The following WDPCP variants were observed in gnomAD, a reference collection of about 807,000 sequenced individuals.
WDPCP encodes the protein WD repeat containing planar cell polarity effector, also known as WD repeat-containing and planar cell polarity effector protein fritz homolog.
WDPCP carries 71 observed loss-of-function variants against 93.1 expected under a neutral mutation model. The observed-to-expected ratio is 0.76, with a 90% CI of 0.63 to 0.93. The LOEUF is 0.93. Among genes scored for constraint, WDPCP ranks in the 40% least tolerant of loss-of-function variants. The pLI is 0.00. For synonymous variants in WDPCP, 315 were observed against 315.0 expected, an observed-to-expected ratio of 1.00 and a Z score of 0.00; for missense variants, 844 against 887.4, an observed-to-expected ratio of 0.95 and a Z score of 0.62.
intron 9 of WDPCP, among the ~76,000 whole-genome samples, chr2:63,423,533 A>G (rs550934155): frequency 2.0e-5 from 3 of 152,180 alleles, no homozygotes; most frequent in Non-Finnish European, 4.4e-5. Flanking sequence ...CTCTGCTTAT[A>G]TATTTTTGGT....
chr2:63,694,394 T>C (rs1478657845), intron 2 of WDPCP, among the ~76,000 whole-genome samples: 1 of 152,138 alleles, frequency 6.6e-6, no homozygotes, highest in Non-Finnish European at 1.5e-5. Flanking sequence ...AACTTCCCTC[T>C]TTTCCCCTTC....
At chr2:63,752,763 G>A (rs1185636467) in intron 2 of WDPCP, 1 of 179,352 alleles carries the variant, frequency 5.6e-6, no homozygotes, top group Non-Finnish European at 1.2e-5. Context: ...TGATAACTCA[G>A]CTCACTGCAA....
intron 1 of WDPCP, among the ~76,000 whole-genome samples, chr2:63,586,789 T>C (rs1419168148): frequency 6.6e-6 from 1 of 152,216 alleles, no homozygotes; most frequent in Non-Finnish European, 1.5e-5. Context: ...TATGGGAATG[T>C]CCTGTCCTGC....
chr2:63,711,668 G>A (rs1669266092), intron 2 of WDPCP: 1 of 152,294 alleles, frequency 6.6e-6, no homozygotes, highest in African/African-American at 2.4e-5. Flanking sequence ...GGCTAAAGGG[G>A]GAAGATCCAT....
chr2:63,164,253 C>G (rs765982388), intron 15 of WDPCP, among the ~76,000 whole-genome samples: 1 of 152,102 alleles, frequency 6.6e-6, no homozygotes. Context: ...TTTGTTTATA[C>G]AGTGTCTGAC....
At chr2:63,717,370 C>A in intron 2 of WDPCP, 1 of 465,242 alleles carries the variant, frequency 2.1e-6, no homozygotes, top group Non-Finnish European at 4.2e-6. Context: ...CATGAAATGT[C>A]AGTTCTTGAT....
At chr2:63,303,361 T>A (rs911685109) in intron 13 of WDPCP, among the ~76,000 whole-genome samples, 3 of 152,094 alleles carry the variant, frequency 2.0e-5, no homozygotes, top group African/African-American at 7.2e-5. Context: ...TCTGGTGTGG[T>A]AGGACGTGGG....
intron 2 of WDPCP, among the ~76,000 whole-genome samples, chr2:63,809,489 A>G (rs1670829139): frequency 6.6e-6 from 1 of 152,238 alleles, no homozygotes; most frequent in South Asian, 2.1e-4. Flanking sequence ...GGTGGGGAAA[A>G]GATTGAGAAA....
At chr2:63,415,358 C>A (rs1006746253) in intron 9 of WDPCP, among the ~76,000 whole-genome samples, 4 of 151,998 alleles carry the variant, frequency 2.6e-5, no homozygotes, top group Admixed American at 2.0e-4. Flanking sequence ...GCAAGACTGT[C>A]TATAAAAAAA....
chr2:63,638,652 G>C (rs975911210), intron 3 of WDPCP, among the ~76,000 whole-genome samples: 1 of 151,986 alleles, frequency 6.6e-6, no homozygotes, highest in Non-Finnish European at 1.5e-5. Context: ...GACTAGGTAT[G>C]GTTGTACATG....
At chr2:63,620,522 G>A (rs940187623) in intron 3 of WDPCP, among the ~76,000 whole-genome samples, 2 of 152,154 alleles carry the variant, frequency 1.3e-5, no homozygotes, top group Non-Finnish European at 2.9e-5. Flanking sequence ...AGCAGCCCCC[G>A]TCAGGGGCTT....
chr2:63,806,135 G>C (rs1452143616), intron 2 of WDPCP, among the ~76,000 whole-genome samples: 3 of 152,062 alleles, frequency 2.0e-5, no homozygotes, highest in East Asian at 1.9e-4. Context: ...AAACGAAAAG[G>C]AAAAGAAATG....
chr2:63,593,886 T>C (rs1436197662), intron 3 of WDPCP, among the ~76,000 whole-genome samples: 1 of 152,226 alleles, frequency 6.6e-6, no homozygotes, highest in Non-Finnish European at 1.5e-5. Flanking sequence ...TGTTGAAATC[T>C]CTGTTTGTAT....
intron 12 of WDPCP, among the ~76,000 whole-genome samples, chr2:63,371,427 T>G (rs1036928965): frequency 5.3e-5 from 8 of 152,090 alleles, no homozygotes; most frequent in African/African-American, 1.9e-4. Flanking sequence ...ATCCATTCAC[T>G]AGGTAGTTTC....
At chr2:63,316,860 C>T (rs754308487) in intron 12 of WDPCP, among the ~76,000 whole-genome samples, 1 of 152,098 alleles carries the variant, frequency 6.6e-6, no homozygotes, top group Non-Finnish European at 1.5e-5. Context: ...TTGCAGGATA[C>T]AAAATTAGTG....
chr2:63,289,445 C>T (rs897907312), intron 13 of WDPCP, among the ~76,000 whole-genome samples: 3 of 151,888 alleles, frequency 2.0e-5, no homozygotes, highest in South Asian at 2.1e-4. Context: ...TTCTTTAATC[C>T]GTGATCTTTT....
intron 14 of WDPCP, among the ~76,000 whole-genome samples, chr2:63,234,267 C>CATCT (rs1383718044): frequency 6.6e-6 from 1 of 150,982 alleles, no homozygotes; most frequent in African/African-American, 2.4e-5. Context: ...CACCTGTTAC[C>CATCT]ATCTATCTTT....
chr2:63,315,038 CAA>C (rs759865068), intron 12 of WDPCP, among the ~76,000 whole-genome samples: 2 of 152,178 alleles, frequency 1.3e-5, no homozygotes, highest in Non-Finnish European at 2.9e-5. Context: ...ACAGAAATAA[CAA>C]AAGGAGACTC....
chr2:63,770,591 C>T (rs1044280484), intron 2 of WDPCP, among the ~76,000 whole-genome samples: 6 of 151,836 alleles, frequency 4.0e-5, no homozygotes, highest in Non-Finnish European at 8.8e-5. Flanking sequence ...TGAATCAAAA[C>T]CAAAAGTTGC....
Sources: allele counts gnomAD v4.1 joint callset (sites outside exome capture counted in the v4.1 genomes callset), GRCh38; gene constraint gnomAD v4.1.1; transcripts MANE v1.5; gene names NCBI Gene and HGNC (gene_info 2026-07-23, HGNC 2026-07-21).